The following BAIAP2L1 variants were observed in gnomAD, a reference collection of about 807,000 sequenced individuals.
BAIAP2L1 encodes BAR/IMD domain-containing adapter protein 2-like 1.
In BAIAP2L1, 35 loss-of-function variants were observed where a neutral mutation model predicts 66.3. That is an observed-to-expected ratio of 0.53 (90% CI 0.40 to 0.70). The LOEUF (loss-of-function observed/expected upper bound fraction) is 0.70. Among genes scored for constraint, BAIAP2L1 ranks in the 30% least tolerant of loss-of-function variants. BAIAP2L1 has a pLI of 0.00. For missense variants in BAIAP2L1, 622 were observed against 656.9 expected, an observed-to-expected ratio of 0.95 and a Z score of 0.58; for synonymous variants, 269 against 248.7, an observed-to-expected ratio of 1.08 and a Z score of -0.77.
intron 1 of BAIAP2L1, among the ~76,000 whole-genome samples, chr7:98,389,405 G>A (rs1307448544): frequency 1.3e-5 from 2 of 151,852 alleles, no homozygotes; most frequent in Non-Finnish European, 1.5e-5. Context: ...TGCAACCTCC[G>A]CCTCCCAGGT....
At chr7:98,304,142 C>T in intron 12 of BAIAP2L1, 54 bp downstream of exon 12, 1 of 1,486,746 alleles carries the variant, frequency 6.7e-7, no homozygotes. Context: ...CTGCGCCTCC[C>T]AGTCGGGGAT....
At chr7:98,354,226 C>T (rs1380997897) in intron 3 of BAIAP2L1, among the ~76,000 whole-genome samples, 1 of 151,882 alleles carries the variant, frequency 6.6e-6, no homozygotes, top group African/African-American at 2.4e-5. Flanking sequence ...CCCAAACAAT[C>T]CTAAAAACCC....
At chr7:98,302,104 G>T (rs778204741) in intron 12 of BAIAP2L1, among the ~76,000 whole-genome samples, 7 of 152,206 alleles carry the variant, frequency 4.6e-5, no homozygotes, top group Non-Finnish European at 1.0e-4. Context: ...ATGAAGCCAG[G>T]TCACCTTTCC....
intron 3 of BAIAP2L1, among the ~76,000 whole-genome samples, chr7:98,331,561 C>T (rs1001195016): frequency 8.6e-5 from 13 of 151,438 alleles, no homozygotes; most frequent in East Asian, 3.9e-4. Context: ...CTCCGCCTCC[C>T]GAGTTCAAGC....
intron 3 of BAIAP2L1, among the ~76,000 whole-genome samples, chr7:98,336,190 T>G (rs1471922242): frequency 1.3e-5 from 2 of 152,166 alleles, no homozygotes; most frequent in African/African-American, 4.8e-5. Flanking sequence ...GTAACTATTG[T>G]GTGCTATGCT....
chr7:98,293,393 A>T lies in BAIAP2L1; in HGVS notation c.*128T>A. 1.2e-6 allele frequency: 1 copy of T among 836,730 alleles called. No homozygotes were observed. The highest frequency in any genetic ancestry group is 1.9e-6 in the Non-Finnish European group (1 of 517,754). 51.8% of individuals were successfully genotyped at this position (836,730 alleles called of 1,614,324 possible). On this transcript the variant is annotated 3_prime_UTR_variant, in exon 14 of 14. Coordinates refer to ENST00000005260, the MANE Select transcript of BAIAP2L1 (RefSeq NM_018842.5). ...TGAAACAGAGAAGCATGATTTGCTT[A>T]AGCAGGCGACATTAGAGTTAGGCCT...
rs1483080938 is a variant in BAIAP2L1 at position 98,319,856 on chromosome 7, GCTTT to G, written c.348+198_348+201del. ...ATGAGCCACCGCACCTGGCCCCTAT[GCTTT>G]CTAATAAGATCCCAAGTGTTAGCGA... is the stretch of plus-strand genomic sequence containing the variant. On this transcript the variant is annotated intron_variant, in intron 5 of 13. Transcript: ENST00000005260. Among the ~76,000 whole-genome samples, 5 of 152,144 alleles carry G rather than the reference GCTTT, an allele frequency of 3.3e-5. No homozygotes were observed. In the East Asian group the frequency reaches 5.8e-4, roughly 18 times the overall value.
Position 98,315,614 on chromosome 7 carries a change from TA to T in BAIAP2L1, c.487-3del, listed in dbSNP as rs80039560. On this transcript the variant is annotated splice_polypyrimidine_tract_variant and splice_region_variant and intron_variant, in intron 6 of 13. Coordinates refer to ENST00000005260, the MANE Select transcript of BAIAP2L1 (RefSeq NM_018842.5). ...ACGAGAAGTAACGGTCTCCACATACTAAAAAAAAAAAAATAATAATAATAAT... is the reference window on the plus strand; with the variant it reads ...ACGAGAAGTAACGGTCTCCACATACTAAAAAAAAAAAATAATAATAATAAT... 0.084 allele frequency: 59,259 copies of T among 709,476 alleles called. 1 individual carries two copies. The highest frequency in any genetic ancestry group is 0.11 in the East Asian group (2,712 of 23,914). 43.9% of individuals were successfully genotyped at this position (709,476 alleles called of 1,614,324 possible). A position where few individuals can be genotyped will look rare whatever the true frequency, so the allele number is the denominator to read the frequency against.
chr7:98,334,811 G>T (rs1801575586), intron 3 of BAIAP2L1, among the ~76,000 whole-genome samples: 2 of 150,798 alleles, frequency 1.3e-5, no homozygotes, highest in Non-Finnish European at 1.5e-5. Flanking sequence ...CTCCCAAAGT[G>T]CTGGGATTAC....
chr7:98,303,336 C>G (rs1170974868), intron 12 of BAIAP2L1, among the ~76,000 whole-genome samples: 1 of 152,174 alleles, frequency 6.6e-6, no homozygotes, highest in Non-Finnish European at 1.5e-5. Flanking sequence ...CAAAGCAAGA[C>G]AGCTCCTGGA....
chr7:98,356,835 A>T (rs1377349291), intron 2 of BAIAP2L1, among the ~76,000 whole-genome samples: 1 of 146,580 alleles, frequency 6.8e-6, no homozygotes. Flanking sequence ...CAAACAAAAA[A>T]AACTAGCCAG....
At chr7:98,380,409 C>T (rs1802727027) in intron 1 of BAIAP2L1, among the ~76,000 whole-genome samples, 1 of 151,988 alleles carries the variant, frequency 6.6e-6, no homozygotes, top group Non-Finnish European at 1.5e-5. Context: ...AGGCGAAAGG[C>T]ACTTCTAACA....
chr7:98,362,784 T>C (rs988758047), intron 1 of BAIAP2L1, among the ~76,000 whole-genome samples: 1 of 152,186 alleles, frequency 6.6e-6, no homozygotes, highest in Non-Finnish European at 1.5e-5. Context: ...GTTCTCATTC[T>C]AGTGTTAAGG....
intron 3 of BAIAP2L1, among the ~76,000 whole-genome samples, chr7:98,353,346 T>TA (rs1251526552): frequency 2.2e-5 from 3 of 138,796 alleles, no homozygotes; most frequent in Non-Finnish European, 3.0e-5. Context: ...TATAAATATA[T>TA]TTATATATTT....
At chr7:98,339,853 G>C (rs770831179) in intron 3 of BAIAP2L1, among the ~76,000 whole-genome samples, 20 of 152,166 alleles carry the variant, frequency 1.3e-4, no homozygotes, top group Non-Finnish European at 2.1e-4. Context: ...TGTAAGTAGC[G>C]CTTGTGAACA....
intron 1 of BAIAP2L1, among the ~76,000 whole-genome samples, chr7:98,365,879 G>C (rs540649825): frequency 6.6e-6 from 1 of 152,194 alleles, no homozygotes; most frequent in South Asian, 2.1e-4. Flanking sequence ...TCTAGTTCCC[G>C]TATCATCTCC....
intron 1 of BAIAP2L1, among the ~76,000 whole-genome samples, chr7:98,386,755 AGT>A (rs1178853155): frequency 8.3e-6 from 1 of 120,668 alleles, no homozygotes; most frequent in Non-Finnish European, 1.6e-5. Flanking sequence ...GCTGGAGTGC[AGT>A]GGTGCCACTT....
chr7:98,314,081 G>A (rs968526212), intron 7 of BAIAP2L1, among the ~76,000 whole-genome samples: 2 of 150,268 alleles, frequency 1.3e-5, no homozygotes, highest in African/African-American at 4.9e-5. Flanking sequence ...AGCCTCCTGG[G>A]TTCAAACAAT....
intron 3 of BAIAP2L1, among the ~76,000 whole-genome samples, chr7:98,350,073 C>T (rs1285438111): frequency 6.6e-6 from 1 of 151,030 alleles, no homozygotes. Flanking sequence ...GCCATGATGG[C>T]ACAGCCCGGG....
Sources: gnomAD v4.1 joint callset for allele counts (sites outside exome capture counted in the v4.1 genomes callset) on GRCh38, gnomAD v4.1.1 for gene constraint, MANE v1.5 for transcripts, NCBI Gene and HGNC (gene_info 2026-07-23, HGNC 2026-07-21) for gene names.